PSIP1: variants seen among roughly 807,000 people sequenced by gnomAD.
PSIP1 encodes the protein PC4 and SRSF1 interacting protein 1.
A neutral mutation model predicts 74.7 loss-of-function variants in PSIP1; 19 were observed. The observed-to-expected ratio is 0.25, with a 90% CI of 0.18 to 0.37. PSIP1 has a LOEUF of 0.37. Among genes scored for constraint, PSIP1 ranks in the 10% least tolerant of loss-of-function variants. PSIP1 has a pLI of 1.00. For synonymous variants in PSIP1, 222 were observed against 195.3 expected (o/e 1.14, Z -1.14); for missense variants, 601 against 614.3 (o/e 0.98, Z 0.23).
chr9:15,478,654 T>C (rs781627892), intron 7 of PSIP1, 102 bp from the exon 8 acceptor site: 29 of 797,240 alleles, frequency 3.6e-5, no homozygotes, highest in Non-Finnish European at 5.4e-5. Flanking sequence ...TTAAGAATAT[T>C]AGTAGCTTAT....
At chr9:15,474,346 AAG>A (rs1281583797) in intron 8 of PSIP1, 109 bp from the exon 9 acceptor site, 1 of 927,384 alleles carries the variant, frequency 1.1e-6, no homozygotes, top group Non-Finnish European at 1.6e-6. Flanking sequence ...ACAAAGTAAA[AAG>A]AGTGTCTTCA....
intron 2 of PSIP1, among the ~76,000 whole-genome samples, chr9:15,509,440 G>A (rs777888503): frequency 6.6e-6 from 1 of 152,176 alleles, no homozygotes; most frequent in Non-Finnish European, 1.5e-5. Flanking sequence ...TGTACCACTA[G>A]ATGTGAACTG....
chr9:15,488,297 C>T (rs897715423), intron 4 of PSIP1, among the ~76,000 whole-genome samples: 3 of 152,106 alleles, frequency 2.0e-5, no homozygotes, highest in African/African-American at 7.2e-5. Context: ...CGCCACTGCA[C>T]TCCAGCCGGG....
In PSIP1 at chr9:15,510,947, T is replaced by TGCCGCC. The variant is rs1217069061; in HGVS notation, c.-278_-273dup. 1 of 153,290 alleles carries TGCCGCC rather than the reference T, an allele frequency of 6.5e-6. No individual in the cohort carries two copies. Among genetic ancestry groups the TGCCGCC allele is most frequent in the Non-Finnish European group, 1.5e-5 (1 of 68,656 alleles). The allele number at this position is 153,290 out of a possible 1,614,324, so 9.5% of individuals were successfully genotyped here. A position where few individuals can be genotyped will look rare whatever the true frequency, so the allele number is the denominator to read the frequency against. On this transcript the variant is annotated 5_prime_UTR_variant, in exon 1 of 16. Coordinates refer to ENST00000380733, the MANE Select transcript of PSIP1 (RefSeq NM_033222.5). ...CTCGGAATCGCAACCGCGCCGCCGC[T>TGCCGCC]GCCGCCGCCGTAGCTGCGCTGCTCC... is the stretch of plus-strand genomic sequence containing the variant.
chr9:15,502,444 A>G lies in PSIP1; in HGVS notation c.149+4117T>C, dbSNP rs542280032. On this transcript the variant is annotated intron_variant, in intron 3 of 15. Transcript: ENST00000380733. ...AACATAGAGTAAGCGCACTATTTTT[A>G]ATTTTTTTACCCCCCAAGACAGGGT... 3.7e-3 allele frequency among the ~76,000 whole-genome samples: 566 copies of G among 152,196 alleles called. 1 individual carries two copies. Among genetic ancestry groups the G allele is most frequent in the Non-Finnish European group, 5.9e-3 (399 of 67,994 alleles).
At chr9:15,471,302 CA>C (rs1401290322) in intron 10 of PSIP1, 1 of 1,569,528 alleles carries the variant, frequency 6.4e-7, no homozygotes. Flanking sequence ...AAATGCTTTA[CA>C]GAGCAAAACT....
chr9:15,508,697 G>T (rs1445558168), intron 2 of PSIP1, among the ~76,000 whole-genome samples: 3 of 152,158 alleles, frequency 2.0e-5, no homozygotes, highest in African/African-American at 7.2e-5. Context: ...AACCTGATCA[G>T]TTTCCCTAGG....
chr9:15,480,912 C>G (rs1157463742), intron 6 of PSIP1, among the ~76,000 whole-genome samples: 1 of 152,180 alleles, frequency 6.6e-6, no homozygotes, highest in Non-Finnish European at 1.5e-5. Context: ...CAGAGCAAGA[C>G]TGTCTCAAAA....
chr9:15,465,017 T>A lies in PSIP1; in HGVS notation c.*503A>T, dbSNP rs900094957. 9.1e-6 allele frequency: 2 copies of A among 219,842 alleles called. No homozygotes were observed. Among genetic ancestry groups the A allele is most frequent in the African/African-American group, 4.5e-5 (2 of 44,498 alleles). 13.6% of individuals were successfully genotyped at this position (219,842 alleles called of 1,614,324 possible). On this transcript the variant is annotated 3_prime_UTR_variant, in exon 16 of 16. Coordinates refer to ENST00000380733, the MANE Select transcript of PSIP1 (RefSeq NM_033222.5). ...CTGTGAGATTAAAATTAACTTTTGA[T>A]AAAAAGGGAGTGAGTACTTGTATAG...
At chr9:15,488,815 A>T (rs2036678869) in intron 4 of PSIP1, among the ~76,000 whole-genome samples, 1 of 151,766 alleles carries the variant, frequency 6.6e-6, no homozygotes, top group Admixed American at 6.5e-5. Context: ...AGGTCAGGAG[A>T]TCGAGACCAT....
intron 15 of PSIP1, 96 bp downstream of exon 15, chr9:15,466,651 TA>T: frequency 3.3e-6 from 3 of 904,772 alleles, no homozygotes; most frequent in Non-Finnish European, 4.9e-6. Context: ...GATCAAAAGA[TA>T]ACTGCTTATT....
At chr9:15,479,246 TTAATC>T (rs1370630307) in intron 7 of PSIP1, among the ~76,000 whole-genome samples, 1 of 152,138 alleles carries the variant, frequency 6.6e-6, no homozygotes, top group Non-Finnish European at 1.5e-5. Flanking sequence ...ATTAATGACT[TTAATC>T]AAATGCTATT....
chr9:15,501,851 A>G (rs1488690251), intron 3 of PSIP1, among the ~76,000 whole-genome samples: 1 of 146,676 alleles, frequency 6.8e-6, no homozygotes, highest in Non-Finnish European at 1.5e-5. Flanking sequence ...ATATATATAT[A>G]TATATATATA....
At chr9:15,508,909 A>C (rs1029392920) in intron 2 of PSIP1, among the ~76,000 whole-genome samples, 1 of 152,256 alleles carries the variant, frequency 6.6e-6, no homozygotes, top group Admixed American at 6.5e-5. Flanking sequence ...GACAAGGATT[A>C]TGACTAAGGA....
chr9:15,504,663 G>A (rs2037502302), intron 3 of PSIP1, among the ~76,000 whole-genome samples: 1 of 151,854 alleles, frequency 6.6e-6, no homozygotes, highest in Non-Finnish European at 1.5e-5. Flanking sequence ...CGTGAACCCA[G>A]GAGGCGGAGC....
intron 4 of PSIP1, chr9:15,489,397 C>T (rs1303582495): frequency 6.6e-6 from 1 of 152,010 alleles, no homozygotes; most frequent in African/African-American, 2.4e-5. Flanking sequence ...CACCTGAAGT[C>T]AGGAGTTTGA....
intron 3 of PSIP1, among the ~76,000 whole-genome samples, chr9:15,497,248 A>G (rs528773639): frequency 1.3e-5 from 2 of 152,190 alleles, no homozygotes; most frequent in Admixed American, 6.5e-5. Flanking sequence ...CATCCAGGCT[A>G]GAGCATGGAT....
chr9:15,475,385 A>T (rs1464502313), intron 8 of PSIP1, among the ~76,000 whole-genome samples: 1 of 152,158 alleles, frequency 6.6e-6, no homozygotes, highest in Non-Finnish European at 1.5e-5. Context: ...AGTCCCATTT[A>T]AAAAGACATT....
chr9:15,473,997 T>C lies in PSIP1; in HGVS notation c.858+12A>G. On this transcript the variant is annotated intron_variant, in intron 9 of 15. Transcript: ENST00000380733. ...GAATAGAACAGCCATTTTATATATGTAAACTTTATACCTTTTCACCTTCTT... is the reference window on the plus strand; with the variant it reads ...GAATAGAACAGCCATTTTATATATGCAAACTTTATACCTTTTCACCTTCTT... 1.3e-6 allele frequency: 2 copies of C among 1,593,020 alleles called. No homozygotes were observed. Among genetic ancestry groups the C allele is most frequent in the Non-Finnish European group, 1.7e-6 (2 of 1,165,862 alleles).
Sources: gnomAD v4.1 joint callset for allele counts (sites outside exome capture counted in the v4.1 genomes callset) on GRCh38, gnomAD v4.1.1 for gene constraint, MANE v1.5 for transcripts, NCBI Gene and HGNC (gene_info 2026-07-23, HGNC 2026-07-21) for gene names.